The following STK32B variants were observed in gnomAD, a reference collection of about 807,000 sequenced individuals.
STK32B encodes serine/threonine-protein kinase 32B.
STK32B carries 43 observed loss-of-function variants against 52.6 expected under a neutral mutation model. The ratio of observed to expected loss-of-function variants is 0.82; its 90% confidence interval spans 0.64 to 1.05. The LOEUF (loss-of-function observed/expected upper bound fraction) is 1.05. STK32B is among the 50% of genes least tolerant of loss of function. The pLI is 0.00. For missense variants in STK32B, 621 were observed against 534.6 expected, an observed-to-expected ratio of 1.16 and a Z score of -1.59; for synonymous variants, 238 against 204.3, an observed-to-expected ratio of 1.17 and a Z score of -1.41.
the STK32B span, among the ~76,000 whole-genome samples, chr4:5,040,534 C>T: frequency 1.3e-5 from 2 of 151,978 alleles, no homozygotes; most frequent in Non-Finnish European, 2.9e-5. Flanking sequence ...GCTGGGATTA[C>T]AGATGAGTGC....
intron 4 of STK32B, among the ~76,000 whole-genome samples, chr4:5,346,886 A>G (rs531401029): frequency 3.9e-4 from 59 of 152,338 alleles, no homozygotes; most frequent in African/African-American, 1.4e-3. Flanking sequence ...ACTTACAATC[A>G]TGGTGGAAAG....
chr4:5,259,749 C>T (rs746048022), intron 3 of STK32B, among the ~76,000 whole-genome samples: 6 of 152,154 alleles, frequency 3.9e-5, no homozygotes, highest in Non-Finnish European at 7.3e-5. Context: ...AGGCCCAACT[C>T]TTCCTTTAAC....
At chr4:5,116,167 T>C (rs940012690) in intron 1 of STK32B, among the ~76,000 whole-genome samples, 2 of 151,036 alleles carry the variant, frequency 1.3e-5, no homozygotes, top group African/African-American at 4.9e-5. Context: ...CTCACTCAGA[T>C]GTGTGTGTGC....
chr4:5,449,665 C>T (rs1180932848), intron 7 of STK32B, among the ~76,000 whole-genome samples: 4 of 152,132 alleles, frequency 2.6e-5, no homozygotes, highest in African/African-American at 9.7e-5. Flanking sequence ...AGGGAAGCTT[C>T]CTCTGTATTT....
intron 3 of STK32B, among the ~76,000 whole-genome samples, chr4:5,189,525 T>C (rs575554424): frequency 2.6e-5 from 4 of 152,370 alleles, no homozygotes; most frequent in South Asian, 4.1e-4. Flanking sequence ...CCATTATCTG[T>C]ACATGCTACA....
intron 3 of STK32B, among the ~76,000 whole-genome samples, chr4:5,193,261 C>T (rs181535832): frequency 4.3e-4 from 65 of 152,278 alleles, no homozygotes; most frequent in African/African-American, 1.3e-3. Flanking sequence ...GACTGGGCCT[C>T]ATCTCCTCTC....
rs1223959379 is a variant in STK32B at position 5,380,665 on chromosome 4, G to A, written c.435-17542G>A. On this transcript the variant is annotated intron_variant, in intron 4 of 11. Coordinates refer to ENST00000282908, the MANE Select transcript of STK32B (RefSeq NM_018401.3). The surrounding 1 kb of genome is among the most constrained non-coding windows in gnomAD (Gnocchi z 4.3). ...CAAGGCCCCACATGAAGGAGGGTCC[G>A]TGTTTGATTTAATGCCCGGTACTTG... is the stretch of plus-strand genomic sequence containing the variant. Among the ~76,000 whole-genome samples, 2 of 152,166 alleles carry A rather than the reference G, an allele frequency of 1.3e-5. No individual in the cohort carries two copies. Among genetic ancestry groups the A allele is most frequent in the African/African-American group, 2.4e-5 (1 of 41,444 alleles).
In STK32B at chr4:5,227,325, C is replaced by T. The variant is rs182589271; in HGVS notation, c.260+58875C>T. On this transcript the variant is annotated intron_variant, in intron 3 of 11. Transcript: ENST00000282908. ...GAAATTTAAGTGGTTCTTTTACCCA[C>T]GCATGATTTTTGTAACACAATATAT... Among the ~76,000 whole-genome samples, 307 of 152,262 alleles carry T rather than the reference C, an allele frequency of 2.0e-3. 2 individuals are homozygous for T. The highest frequency in any genetic ancestry group is 0.014 in the Middle Eastern group (4 of 294).
intron 3 of STK32B, among the ~76,000 whole-genome samples, chr4:5,218,819 C>G (rs943675053): frequency 6.6e-6 from 1 of 152,236 alleles, no homozygotes; most frequent in African/African-American, 2.4e-5. Context: ...TTTTGGCGTG[C>G]TCTTGCCAGG....
chr4:5,418,141 A>G (rs1281627598), intron 6 of STK32B, among the ~76,000 whole-genome samples: 2 of 152,248 alleles, frequency 1.3e-5, no homozygotes, highest in African/African-American at 4.8e-5. Context: ...GGAACCATTA[A>G]TGAAACAACC....
chr4:5,288,547 T>C (rs1443001001), intron 3 of STK32B, among the ~76,000 whole-genome samples: 3 of 152,148 alleles, frequency 2.0e-5, no homozygotes, highest in African/African-American at 7.2e-5. Context: ...ATTGGAAAAA[T>C]GTCTTTTGAA....
intron 3 of STK32B, among the ~76,000 whole-genome samples, chr4:5,249,389 G>A (rs1359198515): frequency 6.6e-6 from 1 of 151,738 alleles, no homozygotes; most frequent in Non-Finnish European, 1.5e-5. Flanking sequence ...AATGAATTAT[G>A]ACAAGGGATC....
intron 3 of STK32B, among the ~76,000 whole-genome samples, chr4:5,237,744 C>T (rs768851010): frequency 6.6e-6 from 1 of 152,134 alleles, no homozygotes; most frequent in Non-Finnish European, 1.5e-5. Flanking sequence ...CAGCCTCCCC[C>T]CATCATGGCC....
intron 1 of STK32B, among the ~76,000 whole-genome samples, chr4:5,100,170 A>G (rs1417464766): frequency 6.6e-6 from 1 of 152,132 alleles, no homozygotes; most frequent in Non-Finnish European, 1.5e-5. Flanking sequence ...GCTGCTGCAG[A>G]TTCCACGGCC....
At chr4:5,457,131 C>A (rs3815191) in intron 8 of STK32B, among the ~76,000 whole-genome samples, 1 of 151,636 alleles carries the variant, frequency 6.6e-6, no homozygotes, top group African/African-American at 2.4e-5. Flanking sequence ...TGTGGCGGCT[C>A]TGACCGCAAG....
At chr4:5,184,266 T>C (rs1443709514) in intron 3 of STK32B, among the ~76,000 whole-genome samples, 2 of 152,114 alleles carry the variant, frequency 1.3e-5, no homozygotes, top group African/African-American at 4.8e-5. Context: ...AATTTCAGTA[T>C]TGTTGTGTCT....
At chr4:5,331,825 G>A (rs760461287) in intron 4 of STK32B, among the ~76,000 whole-genome samples, 3 of 152,014 alleles carry the variant, frequency 2.0e-5, no homozygotes, top group Non-Finnish European at 2.9e-5. Flanking sequence ...CCTCAGTGCT[G>A]GCTCTGGGCT....
intron 11 of STK32B, among the ~76,000 whole-genome samples, chr4:5,484,123 G>A (rs900218133): frequency 7.2e-5 from 11 of 152,154 alleles, no homozygotes; most frequent in African/African-American, 2.7e-4. Context: ...GCAGAGCTGA[G>A]TTCAATTCCT....
intron 3 of STK32B, among the ~76,000 whole-genome samples, chr4:5,249,017 T>C (rs1245219108): frequency 6.6e-6 from 1 of 152,096 alleles, no homozygotes; most frequent in East Asian, 1.9e-4. Context: ...ACATGGCACA[T>C]GTATACATAT....
Sources: gnomAD v4.1 joint callset for allele counts (sites outside exome capture counted in the v4.1 genomes callset) on GRCh38, gnomAD v4.1.1 for gene constraint, Gnocchi (gnomAD v3.1) non-coding constraint, MANE v1.5 for transcripts, NCBI Gene and HGNC (gene_info 2026-07-23, HGNC 2026-07-21) for gene names.